Variants in ABCB9 observed in about 807,000 individuals in gnomAD.
ABCB9 encodes ABC-type oligopeptide transporter ABCB9.
ABCB9 carries 36 observed loss-of-function variants against 62.0 expected under a neutral mutation model. The ratio of observed to expected loss-of-function variants is 0.58; its 90% CI spans 0.45 to 0.77. ABCB9 has a LOEUF of 0.77. Among genes scored for constraint, ABCB9 ranks in the 30% least tolerant of loss-of-function variants. The pLI is 0.00. For missense variants in ABCB9, 943 were observed against 1,054.7 expected (o/e 0.89, Z 1.47); for synonymous variants, 435 against 461.4 (o/e 0.94, Z 0.73).
rs1324369281 is a variant in ABCB9 at position 122,940,838 on chromosome 12, T to C, written c.1538A>G (p.Tyr513Cys). 5 of 1,604,172 alleles carry C rather than the reference T, an allele frequency of 3.1e-6. No homozygotes were observed. Among genetic ancestry groups the C allele is most frequent in the Non-Finnish European group, 4.3e-6 (5 of 1,172,880 alleles). Residue 513 changes from tyrosine (Y) to cysteine (C), a missense_variant, in exon 8 of 12, where the codon TAC becomes TGC. By Grantham distance (194) the Tyr-to-Cys change is radical. Coordinates refer to ENST00000280560, the MANE Select transcript of ABCB9 (RefSeq NM_019625.4). The surrounding 1 kb of genome is among the most constrained non-coding windows in gnomAD (Gnocchi z 4.8). ...RVDFENVTFT[Y>C]RTRPHTQVLQ... The stretch of plus-strand genomic sequence containing the variant: ...GACCTGGGTGTGGGGCCGAGTGCGG[T>C]AGGTGAAGGTCACATTCTCAAAGTC...
rs11611551 is a variant in ABCB9, at chr12:122,950,193, C to T, written c.716+258G>A. Among the ~76,000 whole-genome samples, 6 of 152,210 alleles carry T rather than the reference C, an allele frequency of 3.9e-5. No homozygotes were observed. The East Asian group carries it at 9.6e-4, about 24-fold the overall frequency. On this transcript the variant is annotated intron_variant, in intron 3 of 11. Coordinates refer to ENST00000280560, the MANE Select transcript of ABCB9 (RefSeq NM_019625.4). ...GCCGGTTCTGTTTGGGACCAGATTC[C>T]TACTTGGAAAACAGCCAGGGAGGGT...
At chr12:122,924,833 A>G (rs1000240748), downstream of ABCB9, 2 of 1,534,502 alleles carry the variant, frequency 1.3e-6, no homozygotes, top group Admixed American at 3.9e-5. Flanking sequence ...GAAGGAGGAC[A>G]GTGACATTTG....
At chr12:122,965,178 G>A (rs531661134) in intron 1 of ABCB9, among the ~76,000 whole-genome samples, 19 of 152,142 alleles carry the variant, frequency 1.2e-4, no homozygotes, top group Non-Finnish European at 2.2e-4. Context: ...TAAGTGACAC[G>A]CAGAAAAAGG....
At position 122,932,899 on chromosome 12, in the gene ABCB9, T is replaced by C. The variant is rs1159507167; in HGVS notation, c.1904-571A>G. On this transcript the variant is annotated intron_variant, in intron 10 of 11. Transcript: ENST00000280560. The surrounding 1 kb of genome is among the most constrained non-coding windows in gnomAD (Gnocchi z 4.7). ...ATAGGAAATTGAGTCAATCAATTAT[T>C]ATTATTTTAGAGACAGGGTCTCACT... 6.6e-6 allele frequency among the ~76,000 whole-genome samples: 1 copy of C among 152,148 alleles called. No homozygotes were observed. Among genetic ancestry groups the C allele is most frequent in the Non-Finnish European group, 1.5e-5 (1 of 68,030 alleles).
chr12:122,939,865 T>C, intron 9 of ABCB9: 1 of 482,144 alleles, frequency 2.1e-6, no homozygotes, highest in African/African-American at 2.0e-5. Context: ...GGAGTCTCAC[T>C]ATGTTGTCCA....
chr12:122,929,861 C>A lies in ABCB9; in HGVS notation c.*50G>T. 1 of 1,484,408 alleles carries A rather than the reference C, an allele frequency of 6.7e-7. No homozygotes were observed. Among genetic ancestry groups the A allele is most frequent in the Admixed American group, 2.3e-5 (1 of 42,950 alleles). The allele number at this position is 1,484,408 out of a possible 1,614,324, so 92.0% of individuals were successfully genotyped here. On this transcript the variant is annotated 3_prime_UTR_variant, in exon 12 of 12. Transcript: ENST00000280560. The surrounding 1 kb of genome is among the most constrained non-coding windows in gnomAD (Gnocchi z 6.0). ...TGGGGGCCTCCGTGGGCACATCTGC[C>A]AGGCAGGCACCGGGTCCTCTGCCCC...
chr12:122,941,201 C>G (rs1193687056), intron 7 of ABCB9, among the ~76,000 whole-genome samples: 1 of 152,146 alleles, frequency 6.6e-6, no homozygotes, highest in Non-Finnish European at 1.5e-5. Context: ...ACCGGCCATC[C>G]AGCTGAGTGG....
chr12:122,953,636 T>C (rs1374984255), intron 2 of ABCB9, among the ~76,000 whole-genome samples: 4 of 152,174 alleles, frequency 2.6e-5, no homozygotes, highest in African/African-American at 9.7e-5. Flanking sequence ...TCCACCTGCC[T>C]TGGCCTCCCA....
At chr12:122,950,605 G>A (rs2036313415) in intron 2 of ABCB9, 40 bp from the exon 3 acceptor site, 1 of 1,533,072 alleles carries the variant, frequency 6.5e-7, no homozygotes, top group Non-Finnish European at 8.9e-7. Context: ...TCTGCAGCCA[G>A]GGGAACCCGC....
At chr12:122,965,263 G>A (rs2037110785) in intron 1 of ABCB9, among the ~76,000 whole-genome samples, 1 of 152,218 alleles carries the variant, frequency 6.6e-6, no homozygotes, top group African/African-American at 2.4e-5. Flanking sequence ...AGGCTATTCA[G>A]GGATTGCAAG....
At chr12:122,942,241 T>A (rs2035799772) in intron 7 of ABCB9, among the ~76,000 whole-genome samples, 3 of 151,968 alleles carry the variant, frequency 2.0e-5, no homozygotes, top group Non-Finnish European at 4.4e-5. Flanking sequence ...GATATCGGCA[T>A]CTGTGTCCTG....
intron 5 of ABCB9, 194 bp downstream of exon 5, chr12:122,948,430 G>A (rs1594034581): frequency 1.8e-6 from 1 of 545,950 alleles, no homozygotes; most frequent in East Asian, 3.4e-5. Context: ...TTTCACTGAT[G>A]TATCCCAGTG....
chr12:122,921,763 ACT>A (rs1184932785), intron 11 of ABCB9, among the ~76,000 whole-genome samples: 4 of 151,832 alleles, frequency 2.6e-5, no homozygotes, highest in Non-Finnish European at 5.9e-5. Context: ...GGAGACAGAG[ACT>A]CTGTCTCAAA....
Position 122,947,510 on chromosome 12 carries a change from C to T in ABCB9, c.1053+1114G>A, listed in dbSNP as rs938366854. On this transcript the variant is annotated intron_variant, in intron 5 of 11. Coordinates refer to ENST00000280560, the MANE Select transcript of ABCB9 (RefSeq NM_019625.4). The surrounding 1 kb of genome is among the most constrained non-coding windows in gnomAD (Gnocchi z 6.0). ...CCTGGAGGCCGTCATGCATCCAAGC[C>T]CCTGCTCTAGAAGTACCCCACGTGG... 5.3e-5 allele frequency: 24 copies of T among 453,942 alleles called. No homozygotes were observed. Among genetic ancestry groups the T allele is most frequent in the Non-Finnish European group, 9.3e-5 (21 of 225,460 alleles). The allele number at this position is 453,942 out of a possible 1,614,324, so 28.1% of individuals were successfully genotyped here.
At chr12:122,956,122 G>A (rs1214270879) in intron 2 of ABCB9, among the ~76,000 whole-genome samples, 1 of 152,204 alleles carries the variant, frequency 6.6e-6, no homozygotes, top group Non-Finnish European at 1.5e-5. Flanking sequence ...GGGCCGCCCA[G>A]CATGAGCCAG....
intron 1 of ABCB9, among the ~76,000 whole-genome samples, chr12:122,960,925 G>A (rs2036861049): frequency 6.6e-6 from 1 of 152,024 alleles, no homozygotes; most frequent in East Asian, 1.9e-4. Context: ...ACTGAGTGTG[G>A]TAGCATGCTC....
intron 2 of ABCB9, among the ~76,000 whole-genome samples, chr12:122,954,101 C>G (rs546469441): frequency 6.6e-6 from 1 of 150,444 alleles, no homozygotes; most frequent in Admixed American, 6.6e-5. Flanking sequence ...CTGGAGAGGT[C>G]AAGGCTGAAG....
intron 2 of ABCB9, among the ~76,000 whole-genome samples, chr12:122,957,628 C>T (rs561316239): frequency 6.6e-6 from 1 of 151,834 alleles, no homozygotes; most frequent in South Asian, 2.1e-4. Context: ...CCAGGCCACA[C>T]CTGCACGTAG....
At chr12:122,933,970 A>G (rs1215330461) in intron 10 of ABCB9, among the ~76,000 whole-genome samples, 2 of 152,152 alleles carry the variant, frequency 1.3e-5, no homozygotes, top group African/African-American at 4.8e-5. Flanking sequence ...CTGGCCAGAC[A>G]CAGTGGCTCA....
Sources: allele counts gnomAD v4.1 joint callset (sites outside exome capture counted in the v4.1 genomes callset), GRCh38; gene constraint gnomAD v4.1.1; non-coding constraint Gnocchi (gnomAD v3.1); transcripts MANE v1.5; gene names NCBI Gene and HGNC (gene_info 2026-07-23, HGNC 2026-07-21).